CELF2: variants seen among roughly 807,000 people sequenced by gnomAD.
CELF2 encodes CUGBP Elav-like family member 2.
A neutral mutation model predicts 62.6 loss-of-function variants in CELF2; 8 were observed. The observed-to-expected ratio is 0.13, with a 90% CI of 0.07 to 0.23. CELF2 has a LOEUF of 0.23. Ranked by LOEUF, CELF2 falls within the 10% of genes least tolerant of loss-of-function variation. The pLI is 1.00. For synonymous variants in CELF2, 258 were observed against 250.0 expected (o/e 1.03, Z -0.30); for missense variants, 333 against 671.0 (o/e 0.50, Z 5.56).
At chr10:10,792,488 A>G in the CELF2 span, 2 of 398,268 alleles carry the variant, frequency 5.0e-6, no homozygotes, top group African/African-American at 4.1e-5. Context: ...GCTTTCCTTG[A>G]AAACTCAGAT....
chr10:10,584,465 C>A, the CELF2 span, among the ~76,000 whole-genome samples: 1 of 152,352 alleles, frequency 6.6e-6, no homozygotes, highest in South Asian at 2.1e-4. Context: ...TTGGCCAAGA[C>A]TTAGCTATTG....
At position 10,993,183 on chromosome 10, in the gene CELF2, G is replaced by A. The variant is rs1488880860; in HGVS notation, c.89+73184G>A. 6.6e-6 allele frequency among the ~76,000 whole-genome samples: 1 copy of A among 152,036 alleles called. No homozygotes were observed. Among genetic ancestry groups the A allele is most frequent in the Non-Finnish European group, 1.5e-5 (1 of 68,010 alleles). ...GTGTATGAGCTACAAAATAACTGTTGCTTCCCTTCTGTCCTTCAGATCTCC... is the reference window on the plus strand; with the variant it reads ...GTGTATGAGCTACAAAATAACTGTTACTTCCCTTCTGTCCTTCAGATCTCC... On this transcript the variant is annotated intron_variant, in intron 2 of 13. Coordinates refer to the CELF2 transcript ENST00000636488. The surrounding 1 kb of genome is among the most constrained non-coding windows in gnomAD (Gnocchi z 5.3).
the CELF2 span, among the ~76,000 whole-genome samples, chr10:10,593,117 A>T: frequency 6.6e-6 from 1 of 152,338 alleles, no homozygotes; most frequent in Admixed American, 6.5e-5. Flanking sequence ...TGCTATTGTT[A>T]GGAACTGAAG....
the CELF2 span, among the ~76,000 whole-genome samples, chr10:10,531,399 A>G: frequency 6.6e-6 from 1 of 152,244 alleles, no homozygotes; most frequent in East Asian, 1.9e-4. Context: ...AAGGTCTTGT[A>G]GTATCCTTAT....
chr10:10,570,915 T>A, the CELF2 span, among the ~76,000 whole-genome samples: 2 of 152,194 alleles, frequency 1.3e-5, no homozygotes, highest in Admixed American at 1.3e-4. Context: ...GATGAGTAGC[T>A]TTTTTGAGGT....
the CELF2 span, among the ~76,000 whole-genome samples, chr10:10,708,161 T>C: frequency 1.3e-5 from 2 of 152,188 alleles, no homozygotes; most frequent in African/African-American, 4.8e-5. Context: ...CGTCAATACA[T>C]TGTTAAATTA....
At chr10:10,728,628 G>T in the CELF2 span, among the ~76,000 whole-genome samples, 2 of 152,048 alleles carry the variant, frequency 1.3e-5, no homozygotes, top group African/African-American at 4.8e-5. Flanking sequence ...GAGGGTGGGG[G>T]ACAGCAGGAG....
intron 1 of CELF2, among the ~76,000 whole-genome samples, chr10:11,063,545 CATAA>C (rs764616544): frequency 2.6e-5 from 4 of 152,192 alleles, no homozygotes; most frequent in Non-Finnish European, 4.4e-5. Flanking sequence ...GTTAAAGCAT[CATAA>C]ATAAAAGGTT....
At chr10:10,688,023 C>T in the CELF2 span, among the ~76,000 whole-genome samples, 1 of 152,254 alleles carries the variant, frequency 6.6e-6, no homozygotes, top group Non-Finnish European at 1.5e-5. Context: ...AGGGCTACTA[C>T]TGCTGCTACA....
intron 1 of CELF2, among the ~76,000 whole-genome samples, chr10:10,815,769 G>T (rs1429279930): frequency 1.3e-5 from 2 of 152,064 alleles, no homozygotes; most frequent in African/African-American, 4.8e-5. Context: ...TAAATGAGCA[G>T]ACCCAGAACA....
chr10:11,251,112 C>G (rs1274481632), intron 4 of CELF2, among the ~76,000 whole-genome samples: 18 of 151,984 alleles, frequency 1.2e-4, no homozygotes, highest in Admixed American at 1.2e-3. Context: ...ATACTCTAAA[C>G]TGTATTTAGA....
intron 1 of CELF2, among the ~76,000 whole-genome samples, chr10:11,121,884 C>T (rs534564835): frequency 2.0e-5 from 3 of 152,140 alleles, no homozygotes; most frequent in East Asian, 3.9e-4. Flanking sequence ...AGAGTAGAGA[C>T]GATGTACATT....
chr10:10,739,620 T>C, the CELF2 span, among the ~76,000 whole-genome samples: 7 of 152,188 alleles, frequency 4.6e-5, no homozygotes, highest in Non-Finnish European at 7.4e-5. Flanking sequence ...AACATATTCA[T>C]ATTTCACCAG....
In CELF2 at chr10:10,914,049, G is replaced by A. The variant is rs192564409; in HGVS notation, c.54-5915G>A. On this transcript the variant is annotated intron_variant, in intron 1 of 13. Coordinates refer to the CELF2 transcript ENST00000636488. ...TACTTTCACTCCTAATTACAATAAAGAAAACCCCACACCTTCTACAACTAG... is the reference window on the plus strand; with the variant it reads ...TACTTTCACTCCTAATTACAATAAAAAAAACCCCACACCTTCTACAACTAG... 7.9e-5 allele frequency among the ~76,000 whole-genome samples: 12 copies of A among 151,652 alleles called. No homozygotes were observed. In the South Asian group the frequency reaches 1.7e-3, roughly 21 times the overall value.
At chr10:10,944,785 T>C (rs1465252550) in intron 2 of CELF2, among the ~76,000 whole-genome samples, 1 of 152,040 alleles carries the variant, frequency 6.6e-6, no homozygotes, top group Non-Finnish European at 1.5e-5. Flanking sequence ...GTATTTTTAT[T>C]AGAAATGGGG....
At chr10:10,479,588 T>C in the CELF2 span, among the ~76,000 whole-genome samples, 1 of 152,178 alleles carries the variant, frequency 6.6e-6, no homozygotes, top group African/African-American at 2.4e-5. Context: ...ACCAATGAAA[T>C]CAGGCAAAGA....
At chr10:11,225,765 A>AT (rs897946451) in intron 3 of CELF2, among the ~76,000 whole-genome samples, 21 of 152,092 alleles carry the variant, frequency 1.4e-4, no homozygotes, top group African/African-American at 4.8e-4. Context: ...TTTTTGGTGG[A>AT]TTTTTTTATC....
chr10:10,887,298 G>C (rs144932406), intron 1 of CELF2, among the ~76,000 whole-genome samples: 1 of 152,108 alleles, frequency 6.6e-6, no homozygotes, highest in African/African-American at 2.4e-5. Flanking sequence ...CAGATAGCAC[G>C]TGAAGTTCAA....
At chr10:11,241,005 T>A (rs2073686578) in intron 3 of CELF2, among the ~76,000 whole-genome samples, 2 of 152,238 alleles carry the variant, frequency 1.3e-5, no homozygotes, top group Middle Eastern at 6.8e-3. Flanking sequence ...AGCCTCTCTC[T>A]GCCTGGGTTC....
Sources: allele counts gnomAD v4.1 joint callset (sites outside exome capture counted in the v4.1 genomes callset), GRCh38; gene constraint gnomAD v4.1.1; non-coding constraint Gnocchi (gnomAD v3.1); transcripts MANE v1.5; gene names NCBI Gene and HGNC (gene_info 2026-07-23, HGNC 2026-07-21).